KDM6B: variants seen among roughly 807,000 people sequenced by gnomAD.
KDM6B encodes lysine-specific demethylase 6B.
A neutral mutation model predicts 150.4 loss-of-function variants in KDM6B; 22 were observed. That is an observed-to-expected ratio of 0.15 (90% confidence interval 0.10 to 0.21). The LOEUF is 0.21. Ranked by LOEUF, KDM6B falls within the 10% of genes least tolerant of loss-of-function variation. The pLI is 1.00. For synonymous variants in KDM6B, 1,148 were observed against 921.1 expected (o/e 1.25, Z -4.46); for missense variants, 1,984 against 2,234.3 (o/e 0.89, Z 2.26).
rs1178566342 is a variant in KDM6B, at chr17:7,848,626, C to T, written c.2338C>T (p.Pro780Ser). ...ACCACCAGCCCTACCACCACCACCG[C>T]CTCTAGCCAAGTTCCCTCCACCCTC... ...KPPPALPPPP[P>S]LAKFPPPSQP... The change falls in exon 12 of 24, where the codon CCT (proline) becomes TCT (serine). Residue 780 changes from proline (P) to serine (S), a missense_variant. Around this residue, in one of 13 missense-constraint regions of KDM6B, gnomAD observed 1,379 missense variants for 1,275.6 expected, o/e 1.08. Coordinates refer to ENST00000448097, the MANE Select transcript of KDM6B (RefSeq NM_001348716.2). The T allele has an allele frequency of 6.3e-7, 1 of 1,598,616 alleles. No homozygotes were observed. Among genetic ancestry groups the T allele is most frequent in the Non-Finnish European group, 8.5e-7 (1 of 1,173,362 alleles).
At chr17:7,837,966 A>C (rs2078356200) in intron 1 of KDM6B, among the ~76,000 whole-genome samples, 1 of 151,804 alleles carries the variant, frequency 6.6e-6, no homozygotes, top group Non-Finnish European at 1.5e-5. Flanking sequence ...TATTTGATGA[A>C]GGCTTTAGGC....
intron 1 of KDM6B, among the ~76,000 whole-genome samples, chr17:7,837,397 G>A (rs1412044813): frequency 2.0e-5 from 3 of 152,228 alleles, no homozygotes; most frequent in South Asian, 2.1e-4. Context: ...AGGCTGAAAA[G>A]TCAGGGTCTT....
chr17:7,853,816 G>A lies in KDM6B; in HGVS notation c.*295G>A. On this transcript the variant is annotated 3_prime_UTR_variant, in exon 24 of 24. Transcript: ENST00000448097. ...TTTTTAGCAACAGACACAAGGACCAGGCTCCGGCGGCGGCGGGGGTCACAT... is the reference window on the plus strand; with the variant it reads ...TTTTTAGCAACAGACACAAGGACCAAGCTCCGGCGGCGGCGGGGGTCACAT... 1 of 239,656 alleles carries A rather than the reference G, an allele frequency of 4.2e-6. No individual in the cohort carries two copies. Among genetic ancestry groups the A allele is most frequent in the South Asian group, 1.4e-4 (1 of 7,352 alleles). The allele number at this position is 239,656 out of a possible 1,614,324, so 14.8% of individuals were successfully genotyped here.
chr17:7,853,171 C>A (rs201815954), intron 22 of KDM6B, 39 bp from the exon 23 acceptor site: 54 of 1,613,922 alleles, frequency 3.3e-5, no homozygotes, highest in Middle Eastern at 3.3e-4. Flanking sequence ...TCCACAGTGG[C>A]CCTCCCTCCC....
chr17:7,835,363 G>A (rs1597813089), intron 1 of KDM6B, among the ~76,000 whole-genome samples: 1 of 152,098 alleles, frequency 6.6e-6, no homozygotes. Flanking sequence ...GAAGGCCGAG[G>A]GCAGGACGCC....
At chr17:7,839,418 G>A (rs2078382223) in intron 1 of KDM6B, among the ~76,000 whole-genome samples, 1 of 152,120 alleles carries the variant, frequency 6.6e-6, no homozygotes, top group Non-Finnish European at 1.5e-5. Context: ...GGCTACCTGT[G>A]CTGCTAGCCA....
Position 7,847,206 on chromosome 17 carries a change from A to AGGCCCC in KDM6B, c.1012_1017dup (p.Gly338_Pro339dup). ...TGGTCCCGGCTGCTCCCCCAGGCCC[A>AGGCCCC]GGCCCCCGCCCCCCAGGAGCAGAGA... On this transcript the variant is annotated inframe_insertion, in exon 11 of 24. Transcript: ENST00000448097. 1 of 1,215,110 alleles carries AGGCCCC rather than the reference A, an allele frequency of 8.2e-7. No homozygotes were observed. The allele number at this position is 1,215,110 out of a possible 1,614,324, so 75.3% of individuals were successfully genotyped here. A position where few individuals can be genotyped will look rare whatever the true frequency, so the allele number is the denominator to read the frequency against.
Position 7,851,379 on chromosome 17 carries a change from C to G in KDM6B, c.3929C>G (p.Thr1310Ser), listed in dbSNP as rs2078690631. 2 of 1,614,080 alleles carry G rather than the reference C, an allele frequency of 1.2e-6. No individual in the cohort carries two copies. Among genetic ancestry groups the G allele is most frequent in the Non-Finnish European group, 1.7e-6 (2 of 1,180,030 alleles). The stretch of plus-strand genomic sequence containing the variant: ...GAGTCAGAGGAGCCAGACAGCACCA[C>G]TGGAACCCCTCCTAGGTACTGTGCA... ...DEESEEPDST[T>S]GTPPSSAPDP... Residue 1310 changes from threonine (T) to serine (S), a missense_variant, in exon 16 of 24, where the codon ACT becomes AGT. Around this residue, in one of 13 missense-constraint regions of KDM6B, gnomAD observed 41 missense variants for 38.4 expected, o/e 1.07. Coordinates refer to ENST00000448097, the MANE Select transcript of KDM6B (RefSeq NM_001348716.2).
At position 7,849,582 on chromosome 17, in the gene KDM6B, G is replaced by GC. The variant is rs1567799458; in HGVS notation, c.3300dup (p.Lys1101GlnfsTer14). 1 of 1,612,600 alleles carries GC rather than the reference G, an allele frequency of 6.2e-7. No individual in the cohort carries two copies. The highest frequency in any genetic ancestry group is 2.2e-5 in the East Asian group (1 of 44,872). ...TGAAGCTGCGCTCACTTAGTGAGGG[G>GC]CCCCCCAAGGAGCTGAAGATCCGGC... is the stretch of plus-strand genomic sequence containing the variant. On this transcript the variant is annotated frameshift_variant, in exon 12 of 24. Transcript: ENST00000448097. LOFTEE classifies it high-confidence loss of function.
chr17:7,851,774 G>A lies in KDM6B; in HGVS notation c.4143G>A (p.Lys1381=). 2 of 1,554,922 alleles carry A rather than the reference G, an allele frequency of 1.3e-6. No individual in the cohort carries two copies. The highest frequency in any genetic ancestry group is 1.2e-5 in the South Asian group (1 of 85,232). The change falls in exon 18 of 24, where the codon AAG becomes AAA. Residue 1381 remains lysine, a synonymous_variant. Coordinates refer to ENST00000448097, the MANE Select transcript of KDM6B (RefSeq NM_001348716.2). ...TGAACACGGTGCAGCTGTACATGAA[G>A]GTGCCCGGCAGCCGAACGCCAGGTG... ...LGMNTVQLYM[K]VPGSRTPGHQ...
At position 7,844,073 on chromosome 17, in the gene KDM6B, T is replaced by C. The variant is rs1420917130; in HGVS notation, c.-268-828T>C. On this transcript the variant is annotated intron_variant, in intron 2 of 23. Transcript: ENST00000448097. The surrounding 1 kb of genome is among the most constrained non-coding windows in gnomAD (Gnocchi z 5.9). ...TCCCTCAGGACCCCCCCCCCCGCAG[T>C]ACATTTACACACACCGCTTCCGCTG... 8 of 103,898 alleles carry C rather than the reference T, an allele frequency of 7.7e-5. No homozygotes were observed. The highest frequency in any genetic ancestry group is 3.1e-4 in the African/African-American group (8 of 26,226). The allele number at this position is 103,898 out of a possible 1,614,324, so 6.4% of individuals were successfully genotyped here.
rs867200029 is a variant in KDM6B at position 7,845,744 on chromosome 17, C to T, written c.137+53C>T. 8 of 1,612,204 alleles carry T rather than the reference C, an allele frequency of 5.0e-6. No homozygotes were observed. The Admixed American group carries it at 8.3e-5, about 17-fold the overall frequency. On this transcript the variant is annotated intron_variant, in intron 5 of 23. Transcript: ENST00000448097. ...GGCACACCTCTTTCCATCTCTGTAT[C>T]CCTCAATCTGTGTCATTCTCCATGG...
intron 7 of KDM6B, 30 bp from the exon 8 acceptor site, chr17:7,846,370 T>TGGGCGG: frequency 1.3e-6 from 2 of 1,501,958 alleles, no homozygotes; most frequent in Non-Finnish European, 9.1e-7. Context: ...ACCTGACATC[T>TGGGCGG]GCCCCTGCCC....
chr17:7,841,886 T>G (rs1483859773), intron 2 of KDM6B, among the ~76,000 whole-genome samples: 1 of 151,856 alleles, frequency 6.6e-6, no homozygotes, highest in African/African-American at 2.4e-5. Context: ...CCGGCGGCCC[T>G]CCCCTCCGCC....
In KDM6B at chr17:7,852,487, G is replaced by A; in HGVS notation, c.4469-8G>A. Reference sequence around the variant, plus strand: ...GAGAGTCCTGTTGTGATCGCCTTTGGCCCGCAGCCTATCAGTACCAGCTGG... The same window carrying A: ...GAGAGTCCTGTTGTGATCGCCTTTGACCCGCAGCCTATCAGTACCAGCTGG... On this transcript the variant is annotated splice_polypyrimidine_tract_variant and splice_region_variant and intron_variant, in intron 20 of 23. Transcript: ENST00000448097. 1 of 1,613,914 alleles carries A rather than the reference G, an allele frequency of 6.2e-7. No individual in the cohort carries two copies. Among genetic ancestry groups the A allele is most frequent in the Non-Finnish European group, 8.5e-7 (1 of 1,180,038 alleles).
Position 7,843,838 on chromosome 17 carries a change from CAGAG to C in KDM6B, c.-268-1060_-268-1057del, listed in dbSNP as rs1265522015. The stretch of plus-strand genomic sequence containing the variant: ...GGCGCGGGGACGCAGCTCCTGGGCT[CAGAG>C]AGGCGAGAAGGAAGAGCTGGGGCTA... On this transcript the variant is annotated intron_variant, in intron 2 of 23. Transcript: ENST00000448097. The surrounding 1 kb of genome is among the most constrained non-coding windows in gnomAD (Gnocchi z 4.5). 9.9e-5 allele frequency among the ~76,000 whole-genome samples: 15 copies of C among 152,128 alleles called. No individual in the cohort carries two copies. The highest frequency in any genetic ancestry group is 3.9e-4 in the Admixed American group (6 of 15,274).
intron 7 of KDM6B, 23 bp from the exon 8 acceptor site, chr17:7,846,377 G>GGGGCCCC: frequency 1.4e-6 from 2 of 1,479,492 alleles, no homozygotes; most frequent in Non-Finnish European, 1.8e-6. Flanking sequence ...ATCTGCCCCT[G>GGGGCCCC]CCCCGTGTCC....
rs1340250633 is a variant in KDM6B, at chr17:7,849,279, G to A, written c.2991G>A (p.Arg997=). The change falls in exon 12 of 24, where the codon CGG becomes CGA. Residue 997 remains arginine, a synonymous_variant. Coordinates refer to ENST00000448097, the MANE Select transcript of KDM6B (RefSeq NM_001348716.2). ...CCTGTAAGGACAGTGTGGGTCGTCG[G>A]CCCCGTGAGGGCAGGGCAAAGGCCA... ...RRACKDSVGR[R]PREGRAKAKA... The A allele has an allele frequency of 2.6e-6, 4 of 1,555,460 alleles. No individual in the cohort carries two copies. Among genetic ancestry groups the A allele is most frequent in the Non-Finnish European group, 3.5e-6 (4 of 1,149,352 alleles).
chr17:7,845,406 G>T lies in KDM6B; in HGVS notation c.-56G>T. ...CCGGACCATCGTCCCAGAGAGCTGGGGCAGGGGGCCGTGCCCAATCTCCAG... is the reference window on the plus strand; with the variant it reads ...CCGGACCATCGTCCCAGAGAGCTGGTGCAGGGGGCCGTGCCCAATCTCCAG... On this transcript the variant is annotated 5_prime_UTR_variant, in exon 4 of 24. Coordinates refer to ENST00000448097, the MANE Select transcript of KDM6B (RefSeq NM_001348716.2). The T allele has an allele frequency of 1.0e-6, 1 of 969,720 alleles. No individual in the cohort carries two copies. The highest frequency in any genetic ancestry group is 1.7e-6 in the Non-Finnish European group (1 of 601,624). The allele number at this position is 969,720 out of a possible 1,614,324, so 60.1% of individuals were successfully genotyped here. A position where few individuals can be genotyped will look rare whatever the true frequency, so the allele number is the denominator to read the frequency against.
Sources: allele counts gnomAD v4.1 joint callset (sites outside exome capture counted in the v4.1 genomes callset), GRCh38; gene constraint gnomAD v4.1.1; regional missense constraint gnomAD v4.1.1; non-coding constraint Gnocchi (gnomAD v3.1); transcripts MANE v1.5; gene names NCBI Gene and HGNC (gene_info 2026-07-23, HGNC 2026-07-21).